The following C2orf76 variants were observed in gnomAD, a reference collection of about 807,000 sequenced individuals.
The protein encoded by C2orf76 is UPF0538 protein C2orf76.
Under a neutral mutation model 16.9 loss-of-function variants are expected in C2orf76, and 23 were observed. That is an observed-to-expected ratio of 1.36 (90% CI 0.98 to 1.93). The LOEUF (loss-of-function observed/expected upper bound fraction) is 1.93, where lower values mean the gene tolerates loss of function less well. Among genes scored for constraint, C2orf76 ranks in the 30% most tolerant of loss-of-function variants. The pLI is 0.00. For synonymous variants in C2orf76, 48 were observed against 52.3 expected, an observed-to-expected ratio of 0.92 and a Z score of 0.35; for missense variants, 152 against 152.6, an observed-to-expected ratio of 1.00 and a Z score of 0.02.
chr2:119,293,446 G>C, the C2orf76 span, among the ~76,000 whole-genome samples: 1 of 152,246 alleles, frequency 6.6e-6, no homozygotes, highest in Non-Finnish European at 1.5e-5. Context: ...ACCAGGAAGA[G>C]GACCAAGGCC....
chr2:119,365,387 A>G (rs1680907520), intron 1 of C2orf76, among the ~76,000 whole-genome samples: 1 of 152,110 alleles, frequency 6.6e-6, no homozygotes, highest in Admixed American at 6.5e-5. Context: ...CCCATATTTA[A>G]CTCCAAGATT....
At chr2:119,296,432 G>A in the C2orf76 span, among the ~76,000 whole-genome samples, 83 of 152,274 alleles carry the variant, frequency 5.5e-4, no homozygotes, top group South Asian at 0.017. Context: ...CACGTACAGT[G>A]AGAAAAAGAT....
the C2orf76 span, among the ~76,000 whole-genome samples, chr2:119,283,066 G>A: frequency 6.6e-6 from 1 of 152,178 alleles, no homozygotes; most frequent in South Asian, 2.1e-4. Flanking sequence ...TAATTAGCAG[G>A]GTCCTTCACA....
chr2:119,324,694 C>T (rs1004872189), intron 2 of C2orf76, among the ~76,000 whole-genome samples: 32 of 152,168 alleles, frequency 2.1e-4, no homozygotes, highest in African/African-American at 7.7e-4. Flanking sequence ...CCCAAGGTGT[C>T]AAGAGCTGGG....
At chr2:119,349,002 A>G (rs2104625317) in intron 1 of C2orf76, among the ~76,000 whole-genome samples, 1 of 152,244 alleles carries the variant, frequency 6.6e-6, no homozygotes, top group East Asian at 1.9e-4. Flanking sequence ...AAACAAAACA[A>G]AACAAAAATT....
rs150390158 is a variant in C2orf76 at position 119,355,978 on chromosome 2, A to G, written c.-13+10812T>C. Among the ~76,000 whole-genome samples the G allele has an allele frequency of 2.5e-3, 385 of 152,342 alleles. 1 individual carries two copies. Among genetic ancestry groups the G allele is most frequent in the African/African-American group, 8.9e-3 (372 of 41,586 alleles). ...TGACGAGTCTGAAGAAGTGAAATTA[A>G]ACAATGTGTTCTCTGACCACAGTGG... On this transcript the variant is annotated intron_variant, in intron 1 of 5. Coordinates refer to ENST00000334816, the MANE Select transcript of C2orf76 (RefSeq NM_001322331.2).
At chr2:119,282,016 G>A in the C2orf76 span, among the ~76,000 whole-genome samples, 27 of 152,180 alleles carry the variant, frequency 1.8e-4, no homozygotes, top group Middle Eastern at 3.4e-3. Flanking sequence ...TGTGGTGGTG[G>A]ACGCCTGCAA....
chr2:119,311,039 C>T (rs566493251), intron 5 of C2orf76: 19 of 519,834 alleles, frequency 3.7e-5, no homozygotes, highest in South Asian at 8.2e-5. Context: ...TGTACATATA[C>T]GTAGAATAAC....
chr2:119,309,721 C>T (rs2104543168), intron 5 of C2orf76, among the ~76,000 whole-genome samples: 1 of 152,238 alleles, frequency 6.6e-6, no homozygotes, highest in Admixed American at 6.5e-5. Flanking sequence ...ATGCCCGACC[C>T]CAGGCTAATA....
intron 1 of C2orf76, among the ~76,000 whole-genome samples, chr2:119,340,794 AC>A (rs1680002540): frequency 4.1e-5 from 6 of 146,206 alleles, no homozygotes; most frequent in Non-Finnish European, 7.5e-5. Context: ...ACACACACAC[AC>A]ACACACAAAT....
rs546773166 is a variant in C2orf76 at position 119,315,655 on chromosome 2, C to G, written c.222+1811G>C. Among the ~76,000 whole-genome samples the G allele has an allele frequency of 2.4e-4, 36 of 152,276 alleles. No homozygotes were observed. In the South Asian group the frequency reaches 7.5e-3, roughly 32 times the overall value. On this transcript the variant is annotated intron_variant, in intron 4 of 5. Coordinates refer to ENST00000334816, the MANE Select transcript of C2orf76 (RefSeq NM_001322331.2). ...GAAGCAGAAACTTGCAGAACCATCC[C>G]CAGGGCATCTTAACTAGCATTGTTA...
chr2:119,330,895 T>C (rs1679656768), intron 2 of C2orf76, among the ~76,000 whole-genome samples: 1 of 152,224 alleles, frequency 6.6e-6, no homozygotes, highest in Admixed American at 6.5e-5. Context: ...TTTTTAAATA[T>C]CTTCCATTGC....
chr2:119,311,523 A>G, intron 5 of C2orf76, 99 bp downstream of exon 5: 1 of 1,497,516 alleles, frequency 6.7e-7, no homozygotes, highest in Non-Finnish European at 8.9e-7. Flanking sequence ...GACCAAGGAC[A>G]GCATTTACTT....
At chr2:119,298,795 A>C (rs1385123510), downstream of C2orf76, among the ~76,000 whole-genome samples, 2 of 152,190 alleles carry the variant, frequency 1.3e-5, no homozygotes, top group African/African-American at 4.8e-5. Context: ...TTCAAAAAAA[A>C]CTTAATCTTC....
chr2:119,308,284 C>T (rs994453658), intron 5 of C2orf76, among the ~76,000 whole-genome samples: 1 of 152,204 alleles, frequency 6.6e-6, no homozygotes, highest in African/African-American at 2.4e-5. Context: ...ATAATTTTGG[C>T]GTATGATCTT....
chr2:119,335,121 A>C (rs1253311333), intron 2 of C2orf76, among the ~76,000 whole-genome samples: 1 of 152,206 alleles, frequency 6.6e-6, no homozygotes, highest in Non-Finnish European at 1.5e-5. Context: ...CGTTTAATGT[A>C]TTTGTATATA....
intron 5 of C2orf76, among the ~76,000 whole-genome samples, chr2:119,305,072 C>T (rs1159257378): frequency 6.6e-6 from 1 of 152,148 alleles, no homozygotes; most frequent in Non-Finnish European, 1.5e-5. Context: ...TGCAGAGTGC[C>T]TTGGCATGGG....
chr2:119,297,347 T>C (rs1678556260), downstream of C2orf76, among the ~76,000 whole-genome samples: 1 of 152,252 alleles, frequency 6.6e-6, no homozygotes, highest in Non-Finnish European at 1.5e-5. Flanking sequence ...GTGATCATGC[T>C]TTGAAATGCA....
intron 2 of C2orf76, among the ~76,000 whole-genome samples, chr2:119,337,412 T>C (rs940289816): frequency 1.3e-5 from 2 of 152,172 alleles, no homozygotes; most frequent in African/African-American, 4.8e-5. Flanking sequence ...TTTCTTCACC[T>C]GTAAAATGGT....
Sources: gnomAD v4.1 joint callset for allele counts (sites outside exome capture counted in the v4.1 genomes callset) on GRCh38, gnomAD v4.1.1 for gene constraint, MANE v1.5 for transcripts, NCBI Gene and HGNC (gene_info 2026-07-23, HGNC 2026-07-21) for gene names.